THSD7B: variants seen among roughly 807,000 people sequenced by gnomAD.
THSD7B encodes thrombospondin type-1 domain-containing protein 7B.
A neutral mutation model predicts 213.6 loss-of-function variants in THSD7B; 138 were observed. That is an observed-to-expected ratio of 0.65 (90% CI 0.56 to 0.74). The LOEUF is 0.74. Ranked by LOEUF, THSD7B falls within the 30% of genes least tolerant of loss-of-function variation. The probability of loss-of-function intolerance (pLI) is 0.00; values close to 1 mark genes in which losing one functional copy is unlikely to be tolerated. For synonymous variants in THSD7B, 742 were observed against 687.0 expected (o/e 1.08, Z -1.25); for missense variants, 1,931 against 1,991.5 (o/e 0.97, Z 0.58).
intron 27 of THSD7B, among the ~76,000 whole-genome samples, chr2:137,675,604 GGTT>G (rs1414025363): frequency 6.6e-6 from 1 of 151,884 alleles, no homozygotes; most frequent in Non-Finnish European, 1.5e-5. Context: ...TCCCTTGCAG[GGTT>G]GTTCTGGGAT....
chr2:137,565,379 A>G (rs938607533), intron 16 of THSD7B, among the ~76,000 whole-genome samples: 2 of 152,148 alleles, frequency 1.3e-5, no homozygotes, highest in African/African-American at 4.8e-5. Flanking sequence ...GTACTCTTTC[A>G]TAACATGGTT....
intron 6 of THSD7B, among the ~76,000 whole-genome samples, chr2:137,163,658 C>T (rs1001839236): frequency 6.6e-6 from 1 of 152,200 alleles, no homozygotes; most frequent in African/African-American, 2.4e-5. Context: ...TTTCAGGCTT[C>T]CAGCCTGCAG....
At chr2:137,369,577 C>A (rs952767041) in intron 12 of THSD7B, among the ~76,000 whole-genome samples, 4 of 152,134 alleles carry the variant, frequency 2.6e-5, no homozygotes, top group Admixed American at 1.3e-4. Flanking sequence ...AGAGTTCCAG[C>A]TAAGGGAAGT....
chr2:136,784,569 G>T lies in THSD7B; in HGVS notation c.-36+18882G>T, dbSNP rs77049802. 3.3e-5 allele frequency among the ~76,000 whole-genome samples: 5 copies of T among 151,644 alleles called. No individual in the cohort carries two copies. The South Asian group carries it at 6.2e-4, about 19-fold the overall frequency. On this transcript the variant is annotated intron_variant, in intron 1 of 27. Coordinates refer to ENST00000409968, the MANE Select transcript of THSD7B (RefSeq NM_001316349.2). ...TTGATGAATTTATTCCTTCATGAAG[G>T]ATTATAAAATAAAATGAAATTCAAT...
chr2:137,583,043 G>A (rs539542344), intron 17 of THSD7B, among the ~76,000 whole-genome samples: 2 of 152,288 alleles, frequency 1.3e-5, no homozygotes, highest in South Asian at 2.1e-4. Context: ...TAACTGGTGT[G>A]AGATGATATC....
chr2:137,473,072 T>C (rs999193191), intron 15 of THSD7B, among the ~76,000 whole-genome samples: 1 of 151,710 alleles, frequency 6.6e-6, no homozygotes, highest in Non-Finnish European at 1.5e-5. Flanking sequence ...ATTTTATCAT[T>C]GCAAACAAAT....
intron 15 of THSD7B, among the ~76,000 whole-genome samples, chr2:137,546,435 T>TAA (rs1558834393): frequency 9.2e-5 from 3 of 32,734 alleles, no homozygotes; most frequent in African/African-American, 2.0e-4. Context: ...TATATATATA[T>TAA]TATATATATT....
rs144001992 is a variant in THSD7B, at chr2:137,032,238, A to G, written c.140-24182A>G. On this transcript the variant is annotated intron_variant, in intron 2 of 27. Transcript: ENST00000409968. ...TAGAGTAAAGTTGGGACATGAAGTT[A>G]AAAAAAAAATGCCGTTTAGTGTTGA... Among the ~76,000 whole-genome samples the G allele has an allele frequency of 1.6e-3, 238 of 149,300 alleles. 2 individuals carry two copies. In the East Asian group the frequency reaches 0.042, roughly 26 times the overall value.
In THSD7B at chr2:137,056,698, CACCGG is replaced by C. The variant is rs764266955; in HGVS notation, c.420_424del (p.Arg141GlyfsTer15). The C allele has an allele frequency of 2.0e-5, 33 of 1,612,980 alleles. No homozygotes were observed. ...TGTGACGGCTCAGCATGGACTGCAGCACCGGATGGTGCGCTGCATTCAGAAGCTGA... is the reference window on the plus strand; with the variant it reads ...TGTGACGGCTCAGCATGGACTGCAGCATGGTGCGCTGCATTCAGAAGCTGA... On this transcript the variant is annotated frameshift_variant, in exon 3 of 28. Coordinates refer to ENST00000409968, the MANE Select transcript of THSD7B (RefSeq NM_001316349.2). LOFTEE classifies it high-confidence loss of function.
chr2:137,466,688 T>C (rs1280068886), intron 15 of THSD7B, among the ~76,000 whole-genome samples: 2 of 152,088 alleles, frequency 1.3e-5, no homozygotes, highest in Admixed American at 1.3e-4. Context: ...ATCAGCAAAA[T>C]TGCCCTTTCT....
intron 15 of THSD7B, among the ~76,000 whole-genome samples, chr2:137,467,129 T>C (rs1688010109): frequency 6.6e-6 from 1 of 152,148 alleles, no homozygotes; most frequent in Non-Finnish European, 1.5e-5. Flanking sequence ...GGGAAGAGCT[T>C]GATTTGCTCA....
intron 3 of THSD7B, among the ~76,000 whole-genome samples, chr2:137,089,721 G>A (rs981380438): frequency 5.3e-5 from 8 of 151,742 alleles, no homozygotes; most frequent in Admixed American, 2.0e-4. Context: ...AGACTGCTTG[G>A]GTGATGGGTG....
intron 15 of THSD7B, among the ~76,000 whole-genome samples, chr2:137,495,211 T>C (rs982554370): frequency 5.3e-5 from 8 of 152,192 alleles, no homozygotes; most frequent in African/African-American, 1.4e-4. Context: ...TTAATAAATA[T>C]ACTATTTAAA....
chr2:137,028,146 G>A (rs1265512866), intron 2 of THSD7B, among the ~76,000 whole-genome samples: 1 of 152,154 alleles, frequency 6.6e-6, no homozygotes, highest in Non-Finnish European at 1.5e-5. Context: ...TTTGGACCTA[G>A]TTAGGAGTTT....
At chr2:136,852,948 G>A (rs778207) in intron 1 of THSD7B, among the ~76,000 whole-genome samples, 120,090 of 152,032 alleles carry the variant, frequency 0.79, 47,711 homozygotes, top group Middle Eastern at 0.94. Flanking sequence ...AAGGTTGAAA[G>A]TACTTCTGCC....
intron 1 of THSD7B, among the ~76,000 whole-genome samples, chr2:136,838,197 G>GT (rs566294803): frequency 4.7e-4 from 71 of 151,874 alleles, no homozygotes; most frequent in Non-Finnish European, 7.2e-4. Context: ...GACCACATTT[G>GT]TTTTTTTTGT....
chr2:137,174,864 C>G (rs1218172965), intron 7 of THSD7B, among the ~76,000 whole-genome samples: 2 of 152,114 alleles, frequency 1.3e-5, no homozygotes, highest in Non-Finnish European at 2.9e-5. Context: ...AAGTATGTTT[C>G]CTCATTTCAA....
At chr2:137,261,882 C>A (rs1329393377) in intron 10 of THSD7B, among the ~76,000 whole-genome samples, 2 of 149,046 alleles carry the variant, frequency 1.3e-5, no homozygotes, top group African/African-American at 5.0e-5. Flanking sequence ...TCCATATAGA[C>A]CCATCATGGA....
chr2:137,669,741 C>G (rs1263771242), intron 27 of THSD7B, among the ~76,000 whole-genome samples: 1 of 152,122 alleles, frequency 6.6e-6, no homozygotes, highest in Non-Finnish European at 1.5e-5. Flanking sequence ...GCCATATCCC[C>G]AAATCTAGAT....
Sources: allele counts gnomAD v4.1 joint callset (sites outside exome capture counted in the v4.1 genomes callset), GRCh38; gene constraint gnomAD v4.1.1; transcripts MANE v1.5; gene names NCBI Gene and HGNC (gene_info 2026-07-23, HGNC 2026-07-21).